ZNF763: variants seen among roughly 807,000 people sequenced by gnomAD.
The protein encoded by ZNF763 is zinc finger protein 763, also known as DNA-binding protein.
ZNF763 carries 33 observed loss-of-function variants against 38.0 expected under a neutral mutation model. The observed-to-expected ratio is 0.87, with a 90% CI of 0.66 to 1.16. ZNF763 has a LOEUF of 1.16. Ranked by LOEUF, ZNF763 falls within the 50% of genes most tolerant of loss-of-function variation. The probability of loss-of-function intolerance (pLI) is 0.00; values close to 1 mark genes in which losing one functional copy is unlikely to be tolerated. For missense variants in ZNF763, 423 were observed against 469.1 expected (o/e 0.90, Z 0.91); for synonymous variants, 155 against 160.1 (o/e 0.97, Z 0.24).
At chr19:11,970,447 G>A (rs914227907) in intron 1 of ZNF763, among the ~76,000 whole-genome samples, 1 of 152,210 alleles carries the variant, frequency 6.6e-6, no homozygotes, top group Non-Finnish European at 1.5e-5. Context: ...TAAAGAAAAT[G>A]CATGCTAAGG....
chr19:11,974,254 T>C (rs1568308759), intron 1 of ZNF763, among the ~76,000 whole-genome samples: 1 of 149,660 alleles, frequency 6.7e-6, no homozygotes, highest in Non-Finnish European at 1.5e-5. Flanking sequence ...TGGAGTGCAA[T>C]GGCATGATCT....
In ZNF763 at chr19:11,977,386, AC is replaced by A. The variant is rs1176656966; in HGVS notation, c.148del (p.Gln50ArgfsTer18). The A allele has an allele frequency of 7.4e-6, 12 of 1,613,880 alleles. No homozygotes were observed. In the Admixed American group the frequency reaches 2.0e-4, roughly 27 times the overall value. On this transcript the variant is annotated frameshift_variant, in exon 3 of 4. Transcript: ENST00000358987. LOFTEE classifies it high-confidence loss of function. ...TGTATTTTAGGGAAAAAGTGGAAAG[AC>A]CAGAACATTGAATATGAGTACCAAA... Reference protein sequence around the residue: ...NLTSIGKKWKDQNIEYEYQNP... With the variant: ...NLTSIGKKWKXQNIEYEYQNP...
chr19:11,971,376 T>C (rs1377330786), intron 1 of ZNF763, among the ~76,000 whole-genome samples: 1 of 152,198 alleles, frequency 6.6e-6, no homozygotes, highest in Non-Finnish European at 1.5e-5. Flanking sequence ...TTCCCAGAGA[T>C]GTCAACTTCT....
In ZNF763 at chr19:11,979,374, G is replaced by A; in HGVS notation, c.*265G>A. On this transcript the variant is annotated 3_prime_UTR_variant, in exon 4 of 4. Transcript: ENST00000358987. ...AAACCCTATGAGTGTAAGGAATGTG[G>A]GAAAGCCTTCAGATCTGCCTCACAC... 3.7e-6 allele frequency: 6 copies of A among 1,610,744 alleles called. No individual in the cohort carries two copies. Among genetic ancestry groups the A allele is most frequent in the Non-Finnish European group, 5.1e-6 (6 of 1,178,652 alleles).
chr19:11,969,492 A>G (rs1457604701), intron 1 of ZNF763, among the ~76,000 whole-genome samples: 1 of 152,242 alleles, frequency 6.6e-6, no homozygotes, highest in African/African-American at 2.4e-5. Context: ...CTGATTAAGC[A>G]TAAATTTCAT....
chr19:11,978,434 A>C lies in ZNF763; in HGVS notation c.510A>C (p.Lys170Asn). 1.9e-6 allele frequency: 3 copies of C among 1,614,158 alleles called. No homozygotes were observed. In the Admixed American group the frequency reaches 5.0e-5, roughly 27 times the overall value. ...RTQERNHTGE[K>N]PYACKECGKT... ...AAGAAAGGAATCACACCGGAGAGAA[A>C]CCCTATGCTTGTAAAGAATGTGGAA... The change falls in exon 4 of 4, where the codon AAA (lysine) becomes AAC (asparagine). Residue 170 changes from lysine to asparagine, a missense_variant. Coordinates refer to ENST00000358987, the MANE Select transcript of ZNF763 (RefSeq NM_001367172.2).
intron 1 of ZNF763, among the ~76,000 whole-genome samples, chr19:11,974,645 C>T (rs949295561): frequency 8.0e-5 from 12 of 149,588 alleles, no homozygotes; most frequent in Admixed American, 3.3e-4. Context: ...CTCTGTCGCC[C>T]AGGCTGGAGT....
intron 1 of ZNF763, among the ~76,000 whole-genome samples, chr19:11,969,633 G>A (rs1045838145): frequency 4.6e-5 from 7 of 152,094 alleles, no homozygotes; most frequent in African/African-American, 1.2e-4. Flanking sequence ...ATTCTCCAGG[G>A]CAACTGGTTT....
chr19:11,978,911 A>C lies in ZNF763; in HGVS notation c.987A>C (p.Arg329Ser). 6.2e-7 allele frequency: 1 copy of C among 1,614,166 alleles called. No individual in the cohort carries two copies. The highest frequency in any genetic ancestry group is 8.5e-7 in the Non-Finnish European group (1 of 1,180,034). ...TCCGTAGTTACAGATCCTATCTTAGACATAAAAGGAGTCACACGGGAGAGA... is the reference window on the plus strand; with the variant it reads ...TCCGTAGTTACAGATCCTATCTTAGCCATAAAAGGAGTCACACGGGAGAGA... ...KAFRSYRSYL[R>S]HKRSHTGEKP... The change falls in exon 4 of 4, where the codon AGA becomes AGC. Residue 329 changes from arginine (R) to serine (S), a missense_variant. Arg to Ser is a moderately radical substitution (Grantham distance 110, BLOSUM62 -1). Transcript: ENST00000358987.
chr19:11,967,798 G>A (rs1973268237), intron 1 of ZNF763, among the ~76,000 whole-genome samples: 2 of 152,212 alleles, frequency 1.3e-5, no homozygotes, highest in Non-Finnish European at 2.9e-5. Context: ...GGAACATACT[G>A]TCTAAGTTTT....
intron 1 of ZNF763, among the ~76,000 whole-genome samples, chr19:11,975,349 C>G (rs1218996739): frequency 5.3e-5 from 8 of 151,724 alleles, no homozygotes; most frequent in Non-Finnish European, 1.2e-4. Context: ...TCTGGGATTA[C>G]AGGTGTGAGC....
rs973593059 is a variant in ZNF763 at position 11,971,601 on chromosome 19, G to A, written c.4-5437G>A. ...CATGGAATAAAATATAACTGTAGTC[G>A]TATTTCAAAGAGGTTACATCATAGT... is the stretch of plus-strand genomic sequence containing the variant. On this transcript the variant is annotated intron_variant, in intron 1 of 3. Transcript: ENST00000358987. 5.3e-5 allele frequency among the ~76,000 whole-genome samples: 8 copies of A among 152,136 alleles called. No homozygotes were observed. In the East Asian group the frequency reaches 9.6e-4, roughly 18 times the overall value.
In ZNF763 at chr19:11,978,338, C is replaced by T; in HGVS notation, c.414C>T (p.Asp138=). The change falls in exon 4 of 4, where the codon GAC becomes GAT. Residue 138 remains aspartate (D), a synonymous_variant. Transcript: ENST00000358987. The part of the protein sequence containing the change: ...DIGHKAYEYQ[D]YAPKPYKCQQ... Reference sequence around the variant, plus strand: ...GGCACAAGGCATACGAGTATCAGGACTATGCACCAAAGCCATATAAGTGTC... The same window carrying T: ...GGCACAAGGCATACGAGTATCAGGATTATGCACCAAAGCCATATAAGTGTC... The T allele has an allele frequency of 6.2e-7, 1 of 1,614,156 alleles. No individual in the cohort carries two copies. The highest frequency in any genetic ancestry group is 2.2e-5 in the East Asian group (1 of 44,878).
intron 1 of ZNF763, among the ~76,000 whole-genome samples, chr19:11,975,356 G>A (rs539780815): frequency 1.1e-4 from 16 of 151,678 alleles, no homozygotes; most frequent in African/African-American, 3.6e-4. Context: ...TTACAGGTGT[G>A]AGCCACTGCA....
chr19:11,965,627 A>G (rs1193043566), intron 1 of ZNF763, among the ~76,000 whole-genome samples: 2 of 152,244 alleles, frequency 1.3e-5, no homozygotes, highest in Non-Finnish European at 2.9e-5. Context: ...TACATTAACA[A>G]TTAAAGAGTT....
At chr19:11,966,609 A>G (rs1229103557) in intron 1 of ZNF763, among the ~76,000 whole-genome samples, 5 of 152,102 alleles carry the variant, frequency 3.3e-5, no homozygotes, top group Admixed American at 2.0e-4. Context: ...CCTGACCTCA[A>G]GTGATCCACC....
In ZNF763 at chr19:11,978,928, C is replaced by T. The variant is rs7250795; in HGVS notation, c.1004C>T (p.Thr335Met). The change falls in exon 4 of 4, where the codon ACG becomes ATG. Residue 335 changes from threonine to methionine, a missense_variant. By Grantham distance (81) the Thr-to-Met change is moderately conservative. Transcript: ENST00000358987. ...RSYLRHKRSHTGEKPYQCKEC... is the reference protein window; with the variant it reads ...RSYLRHKRSHMGEKPYQCKEC... ...TATCTTAGACATAAAAGGAGTCACACGGGAGAGAAGCCTTATCAATGTAAG... is the reference window on the plus strand; with the variant it reads ...TATCTTAGACATAAAAGGAGTCACATGGGAGAGAAGCCTTATCAATGTAAG... The T allele has an allele frequency of 0.018, 29,310 of 1,614,038 alleles. 317 individuals are homozygous for T. Among genetic ancestry groups the T allele is most frequent in the African/African-American group, 0.027 (2,009 of 74,990 alleles).
At position 11,979,229 on chromosome 19, in the gene ZNF763, G is replaced by C. The variant is rs1180510969; in HGVS notation, c.*120G>C. 6.8e-6 allele frequency: 11 copies of C among 1,611,572 alleles called. No homozygotes were observed. The highest frequency in any genetic ancestry group is 8.5e-6 in the Non-Finnish European group (10 of 1,179,196). ...TGTGGTAAAGCCTTCAATCTTTCCA[G>C]TTCCTTTCAGTATCATGAAAGGACT... On this transcript the variant is annotated 3_prime_UTR_variant, in exon 4 of 4. Transcript: ENST00000358987.
intron 1 of ZNF763, among the ~76,000 whole-genome samples, chr19:11,973,095 G>C (rs1973383510): frequency 6.6e-6 from 1 of 152,006 alleles, no homozygotes; most frequent in Admixed American, 6.6e-5. Flanking sequence ...TGTGGTTTAA[G>C]ACAACTACAT....
Sources: gnomAD v4.1 joint callset for allele counts (sites outside exome capture counted in the v4.1 genomes callset) on GRCh38, gnomAD v4.1.1 for gene constraint, MANE v1.5 for transcripts, NCBI Gene and HGNC (gene_info 2026-07-23, HGNC 2026-07-21) for gene names.